Variants in DAG1 observed in about 807,000 individuals in gnomAD.
The protein encoded by DAG1 is dystroglycan 1.
In DAG1, 8 loss-of-function variants were observed where a neutral mutation model predicts 46.1. The ratio of observed to expected loss-of-function variants is 0.17; its 90% CI spans 0.10 to 0.31. The LOEUF (loss-of-function observed/expected upper bound fraction) is 0.31, where lower values mean the gene tolerates loss of function less well. DAG1 is among the 10% of genes least tolerant of loss of function. The pLI is 1.00. For synonymous variants in DAG1, 495 were observed against 481.8 expected, an observed-to-expected ratio of 1.03 and a Z score of -0.36; for missense variants, 1,003 against 1,189.9, an observed-to-expected ratio of 0.84 and a Z score of 2.31.
At chr3:49,524,916 G>A (rs565961848) in intron 2 of DAG1, among the ~76,000 whole-genome samples, 1 of 152,262 alleles carries the variant, frequency 6.6e-6, no homozygotes, top group African/African-American at 2.4e-5. Flanking sequence ...GGTTGAGGCT[G>A]CAATGTGCCA....
At chr3:49,475,262 G>C (rs2049648862) in intron 1 of DAG1, among the ~76,000 whole-genome samples, 1 of 151,108 alleles carries the variant, frequency 6.6e-6, no homozygotes, top group Non-Finnish European at 1.5e-5. Context: ...GCGTCAGCAT[G>C]CCTGGCTAAT....
intron 2 of DAG1, among the ~76,000 whole-genome samples, chr3:49,523,428 A>G (rs2051091169): frequency 6.6e-6 from 1 of 151,960 alleles, no homozygotes. Flanking sequence ...TTGGGTTCTC[A>G]CCTGCAGCAG....
chr3:49,484,627 GCCT>G (rs2049971169), intron 1 of DAG1, among the ~76,000 whole-genome samples: 1 of 152,014 alleles, frequency 6.6e-6, no homozygotes, highest in South Asian at 2.1e-4. Context: ...GAATGTCCTG[GCCT>G]CCTCACTTCC....
rs1007045443 is a variant in DAG1, at chr3:49,516,065, T to C, written c.285+5246T>C. ...CTAGCTTAGGGTCCACCCCAAGCTTTTGATTCTTTCTTCTTTTGTCATGGG... is the reference window on the plus strand; with the variant it reads ...CTAGCTTAGGGTCCACCCCAAGCTTCTGATTCTTTCTTCTTTTGTCATGGG... On this transcript the variant is annotated intron_variant, in intron 2 of 2. Transcript: ENST00000308775. 3.9e-5 allele frequency among the ~76,000 whole-genome samples: 6 copies of C among 152,162 alleles called. 1 individual carries two copies. The South Asian group carries it at 1.2e-3, about 32-fold the overall frequency.
chr3:49,484,797 C>CTT (rs1019383704), intron 1 of DAG1, among the ~76,000 whole-genome samples: 4 of 138,564 alleles, frequency 2.9e-5, no homozygotes, highest in African/African-American at 5.2e-5. Flanking sequence ...GCCATTGCTG[C>CTT]TTTTTTTTTT....
rs2107970906 is a variant in DAG1 at position 49,534,441 on chromosome 3, A to G, written c.*1242A>G. On this transcript the variant is annotated 3_prime_UTR_variant, in exon 3 of 3. Coordinates refer to ENST00000308775, the MANE Select transcript of DAG1 (RefSeq NM_004393.6). ...GGGAGGAGTGCCAGCAATAGTTCATAATAAAAATCTGTTAGCTCTCAAAGC... is the reference window on the plus strand; with the variant it reads ...GGGAGGAGTGCCAGCAATAGTTCATGATAAAAATCTGTTAGCTCTCAAAGC... 1 of 152,728 alleles carries G rather than the reference A, an allele frequency of 6.5e-6. No individual in the cohort carries two copies. The highest frequency in any genetic ancestry group is 1.9e-4 in the East Asian group (1 of 5,184). 9.5% of individuals were successfully genotyped at this position (152,728 alleles called of 1,614,324 possible). A position where few individuals can be genotyped will look rare whatever the true frequency, so the allele number is the denominator to read the frequency against.
intron 1 of DAG1, among the ~76,000 whole-genome samples, chr3:49,502,731 C>T (rs914223664): frequency 2.1e-4 from 32 of 151,318 alleles, no homozygotes; most frequent in South Asian, 4.2e-4. Context: ...CTCCGCCTCC[C>T]GGGTTCACGC....
chr3:49,478,527 GTTTTTTTTT>G (rs35150889), intron 1 of DAG1, among the ~76,000 whole-genome samples: 2 of 85,086 alleles, frequency 2.4e-5, no homozygotes, highest in South Asian at 4.4e-4. Flanking sequence ...GAGCCCAAGA[GTTTTTTTTT>G]TTTTTTTTTT....
chr3:49,499,400 C>T (rs773623010), intron 1 of DAG1, among the ~76,000 whole-genome samples: 4 of 152,134 alleles, frequency 2.6e-5, no homozygotes, highest in Non-Finnish European at 4.4e-5. Context: ...GAGACCCTGT[C>T]TTAAAACTAA....
In DAG1 at chr3:49,533,546, G is replaced by GCGGC; in HGVS notation, c.*349_*352dup. The GCGGC allele has an allele frequency of 6.1e-6, 3 of 494,356 alleles. No homozygotes were observed. The highest frequency in any genetic ancestry group is 1.1e-5 in the Non-Finnish European group (3 of 262,770). 30.6% of individuals were successfully genotyped at this position (494,356 alleles called of 1,614,324 possible). The stretch of plus-strand genomic sequence containing the variant: ...TGAATGAACTCGCAGGCAGTGCCGG[G>GCGGC]CGGCCCCCTGGCTCTCTGCGTTTTG... On this transcript the variant is annotated 3_prime_UTR_variant, in exon 3 of 3. Transcript: ENST00000308775.
chr3:49,509,649 A>G (rs2050707789), intron 1 of DAG1, among the ~76,000 whole-genome samples: 2 of 152,240 alleles, frequency 1.3e-5, no homozygotes, highest in Non-Finnish European at 2.9e-5. Flanking sequence ...AACATGAGCC[A>G]CATATGTCAC....
intron 1 of DAG1, among the ~76,000 whole-genome samples, chr3:49,481,987 C>A (rs540304316): frequency 6.6e-6 from 1 of 152,152 alleles, no homozygotes; most frequent in Non-Finnish European, 1.5e-5. Flanking sequence ...TCATCGTCAT[C>A]ATTTCCTAAA....
Position 49,480,438 on chromosome 3 carries a change from G to C in DAG1, c.-117+10005G>C, listed in dbSNP as rs1016950132. On this transcript the variant is annotated intron_variant, in intron 1 of 2. Transcript: ENST00000308775. ...CTACAGGTGCCTGCCACCACGCCCGGCTAATTTTTTGTATTTTTTTAGTAG... is the reference window on the plus strand; with the variant it reads ...CTACAGGTGCCTGCCACCACGCCCGCCTAATTTTTTGTATTTTTTTAGTAG... Among the ~76,000 whole-genome samples the C allele has an allele frequency of 3.3e-5, 5 of 151,258 alleles. No homozygotes were observed. In the South Asian group the frequency reaches 8.4e-4, roughly 25 times the overall value.
In DAG1 at chr3:49,480,765, T is replaced by G. The variant is rs895576698; in HGVS notation, c.-117+10332T>G. On this transcript the variant is annotated intron_variant, in intron 1 of 2. Coordinates refer to ENST00000308775, the MANE Select transcript of DAG1 (RefSeq NM_004393.6). ...TAACATCTCTGCATAAAGTTTTTTT[T>G]TTTTTTTTTTTTTTGAGACGGAGTC... 5.5e-5 allele frequency among the ~76,000 whole-genome samples: 7 copies of G among 127,514 alleles called. 1 individual carries two copies. Among genetic ancestry groups the G allele is most frequent in the East Asian group, 2.0e-4 (1 of 4,910 alleles). The allele number at this position is 127,514 out of a possible 152,430, so 83.7% of individuals were successfully genotyped here. A position where few individuals can be genotyped will look rare whatever the true frequency, so the allele number is the denominator to read the frequency against.
In DAG1 at chr3:49,533,674, AGTTAAG is replaced by A. The variant is rs1016713525; in HGVS notation, c.*482_*487del. The stretch of plus-strand genomic sequence containing the variant: ...AGATTAAATTCAAAGGACTTTCAGA[AGTTAAG>A]GTTAAGTTTTTACGTTTAATCTGCT... On this transcript the variant is annotated 3_prime_UTR_variant, in exon 3 of 3. Coordinates refer to ENST00000308775, the MANE Select transcript of DAG1 (RefSeq NM_004393.6). 6 of 303,866 alleles carry A rather than the reference AGTTAAG, an allele frequency of 2.0e-5. No homozygotes were observed. Among genetic ancestry groups the A allele is most frequent in the South Asian group, 5.9e-5 (2 of 34,138 alleles). 18.8% of individuals were successfully genotyped at this position (303,866 alleles called of 1,614,324 possible).
rs765470021 is a variant in DAG1, at chr3:49,533,303, G to A, written c.*104G>A. On this transcript the variant is annotated 3_prime_UTR_variant, in exon 3 of 3. Transcript: ENST00000308775. The stretch of plus-strand genomic sequence containing the variant: ...TGCAGACCATTGCCCACCGGGAGCC[G>A]ACACCTGACCTAGCACACACTGACA... 25 of 1,521,702 alleles carry A rather than the reference G, an allele frequency of 1.6e-5. No individual in the cohort carries two copies. Among genetic ancestry groups the A allele is most frequent in the South Asian group, 5.9e-5 (5 of 84,904 alleles). The allele number at this position is 1,521,702 out of a possible 1,614,324, so 94.3% of individuals were successfully genotyped here. A position where few individuals can be genotyped will look rare whatever the true frequency, so the allele number is the denominator to read the frequency against.
At position 49,532,717 on chromosome 3, in the gene DAG1, G is replaced by A. The variant is rs766181935; in HGVS notation, c.2206G>A (p.Val736Met). ...RVPSEAPPTE[V>M]PDRDPEKSSE... The stretch of plus-strand genomic sequence containing the variant: ...GCCCTCAGAGGCGCCGCCCACAGAA[G>A]TGCCTGACAGGGACCCTGAGAAGAG... The change falls in exon 3 of 3, where the codon GTG becomes ATG. Residue 736 changes from valine (V) to methionine (M), a missense_variant. By Grantham distance (21) the Val-to-Met change is conservative. Coordinates refer to ENST00000308775, the MANE Select transcript of DAG1 (RefSeq NM_004393.6). This position sits in a 1 kb window ranked among gnomAD's most constrained non-coding sequence, Gnocchi z 5.4. The A allele has an allele frequency of 6.2e-7, 1 of 1,614,186 alleles. No homozygotes were observed. Among genetic ancestry groups the A allele is most frequent in the Non-Finnish European group, 8.5e-7 (1 of 1,180,050 alleles).
chr3:49,476,161 T>C (rs1228851184), intron 1 of DAG1, among the ~76,000 whole-genome samples: 3 of 152,212 alleles, frequency 2.0e-5, no homozygotes, highest in African/African-American at 7.2e-5. Flanking sequence ...GAACGAACTT[T>C]AGCAGTATGT....
At chr3:49,525,665 T>C (rs1271143304) in intron 2 of DAG1, among the ~76,000 whole-genome samples, 1 of 150,870 alleles carries the variant, frequency 6.6e-6, no homozygotes, top group African/African-American at 2.4e-5. Context: ...TCACTGCCAT[T>C]CTCCTGCCTC....
Sources: gnomAD v4.1 joint callset for allele counts (sites outside exome capture counted in the v4.1 genomes callset) on GRCh38, gnomAD v4.1.1 for gene constraint, Gnocchi (gnomAD v3.1) non-coding constraint, MANE v1.5 for transcripts, NCBI Gene and HGNC (gene_info 2026-07-23, HGNC 2026-07-21) for gene names.